AASDHPPT: variants seen among roughly 807,000 people sequenced by gnomAD.
AASDHPPT encodes the protein aminoadipate-semialdehyde dehydrogenase-phosphopantetheinyl transferase.
AASDHPPT carries 23 observed loss-of-function variants against 36.4 expected under a neutral mutation model. The observed-to-expected ratio is 0.63, with a 90% CI of 0.45 to 0.89. The LOEUF (loss-of-function observed/expected upper bound fraction) is 0.89, where lower values mean the gene tolerates loss of function less well. AASDHPPT is among the 40% of genes least tolerant of loss of function. The probability of loss-of-function intolerance (pLI) is 0.00; values close to 1 mark genes in which losing one functional copy is unlikely to be tolerated. For synonymous variants in AASDHPPT, 115 were observed against 128.0 expected, an observed-to-expected ratio of 0.90 and a Z score of 0.68; for missense variants, 377 against 378.2, an observed-to-expected ratio of 1.00 and a Z score of 0.03.
rs1181971682 is a variant in AASDHPPT, at chr11:106,091,496, T to C, written c.693+19T>C. The C allele has an allele frequency of 9.0e-6, 14 of 1,555,082 alleles. No individual in the cohort carries two copies. Among genetic ancestry groups the C allele is most frequent in the South Asian group, 1.2e-5 (1 of 81,662 alleles). Reference sequence around the variant, plus strand: ...ATTTGAGGTAAGAAATTTGTTAGAATTGTTAAAACTAAGAATTTCTATTTT... The same window carrying C: ...ATTTGAGGTAAGAAATTTGTTAGAACTGTTAAAACTAAGAATTTCTATTTT... On this transcript the variant is annotated intron_variant, in intron 4 of 5. Transcript: ENST00000278618.
chr11:106,098,309 T>C lies in AASDHPPT; in HGVS notation c.*1402T>C, dbSNP rs1216370191. Reference sequence around the variant, plus strand: ...TTTTACCTGTTTTCGTTTTAGCAAGTAGTACTTAATTTAAAGTGTGAACTT... The same window carrying C: ...TTTTACCTGTTTTCGTTTTAGCAAGCAGTACTTAATTTAAAGTGTGAACTT... On this transcript the variant is annotated 3_prime_UTR_variant, in exon 6 of 6. Transcript: ENST00000278618. 1.3e-5 allele frequency: 2 copies of C among 152,134 alleles called. No individual in the cohort carries two copies. Among genetic ancestry groups the C allele is most frequent in the Non-Finnish European group, 2.9e-5 (2 of 67,992 alleles). The allele number at this position is 152,134 out of a possible 1,614,324, so 9.4% of individuals were successfully genotyped here. A position where few individuals can be genotyped will look rare whatever the true frequency, so the allele number is the denominator to read the frequency against.
At chr11:106,086,375 T>G (rs914299381) in intron 2 of AASDHPPT, 1 of 152,290 alleles carries the variant, frequency 6.6e-6, no homozygotes, top group South Asian at 2.1e-4. Flanking sequence ...TGTCTCTCCT[T>G]GTAAGGAAAC....
intron 5 of AASDHPPT, among the ~76,000 whole-genome samples, chr11:106,094,967 A>G (rs1422268566): frequency 6.6e-6 from 1 of 152,072 alleles, no homozygotes; most frequent in Non-Finnish European, 1.5e-5. Context: ...CTCTACTAAA[A>G]ATACAAAATT....
rs138744064 is a variant in AASDHPPT, at chr11:106,098,677, A to G, written c.*1770A>G. 6.6e-6 allele frequency: 1 copy of G among 152,212 alleles called. No individual in the cohort carries two copies. The highest frequency in any genetic ancestry group is 1.9e-4 in the East Asian group (1 of 5,184). 9.4% of individuals were successfully genotyped at this position (152,212 alleles called of 1,614,324 possible). A position where few individuals can be genotyped will look rare whatever the true frequency, so the allele number is the denominator to read the frequency against. On this transcript the variant is annotated 3_prime_UTR_variant, in exon 6 of 6. Coordinates refer to ENST00000278618, the MANE Select transcript of AASDHPPT (RefSeq NM_015423.3). The stretch of plus-strand genomic sequence containing the variant: ...GTCTTGTCATTATAATAATAAAAAA[A>G]TGAACATTTATTATGGAATTTCTAT...
Position 106,095,154 on chromosome 11 carries a change from C to T in AASDHPPT, c.765+500C>T, listed in dbSNP as rs1478553347. Among the ~76,000 whole-genome samples the T allele has an allele frequency of 1.3e-5, 2 of 152,086 alleles. 1 individual carries two copies. Among genetic ancestry groups the T allele is most frequent in the Non-Finnish European group, 2.9e-5 (2 of 68,020 alleles). The stretch of plus-strand genomic sequence containing the variant: ...AAAAGAAATGTTACCCGCTTCTTCA[C>T]ATTCGTATACGCTTAAGTATTACAA... On this transcript the variant is annotated intron_variant, in intron 5 of 5. Transcript: ENST00000278618.
intron 2 of AASDHPPT, 86 bp from the exon 3 acceptor site, chr11:106,090,471 G>T: frequency 1.9e-6 from 2 of 1,046,540 alleles, no homozygotes; most frequent in South Asian, 1.8e-5. Flanking sequence ...TCTTTGGGGG[G>T]TGCTGTCTTG....
chr11:106,079,719 A>G, intron 2 of AASDHPPT, 27 bp downstream of exon 2: 1 of 1,584,400 alleles, frequency 6.3e-7, no homozygotes, highest in Non-Finnish European at 8.7e-7. Flanking sequence ...CTAGTATGGC[A>G]GTTAAGTGTC....
intron 1 of AASDHPPT, among the ~76,000 whole-genome samples, chr11:106,078,301 A>AT (rs1336455933): frequency 1.3e-5 from 2 of 152,018 alleles, no homozygotes; most frequent in Non-Finnish European, 2.9e-5. Flanking sequence ...ATATCCCATC[A>AT]TTCTCCAAGG....
At chr11:106,085,102 T>C (rs1861183944) in intron 2 of AASDHPPT, among the ~76,000 whole-genome samples, 1 of 152,044 alleles carries the variant, frequency 6.6e-6, no homozygotes. Context: ...TTAACACTTT[T>C]GGTTTGTTTG....
chr11:106,094,455 C>T (rs190304105), intron 4 of AASDHPPT, 128 bp from the exon 5 acceptor site: 58 of 590,186 alleles, frequency 9.8e-5, no homozygotes, highest in African/African-American at 9.1e-4. Context: ...TATATATGCA[C>T]GCGTGTGAGT....
intron 2 of AASDHPPT, among the ~76,000 whole-genome samples, chr11:106,081,236 A>T (rs1289251588): frequency 6.6e-6 from 1 of 152,154 alleles, no homozygotes; most frequent in Admixed American, 6.6e-5. Context: ...TTTTCCTACT[A>T]GCTACTCTTT....
chr11:106,079,663 G>A lies in AASDHPPT; in HGVS notation c.380G>A (p.Gly127Glu), dbSNP rs1484128059. The change falls in exon 2 of 6, where the codon GGA becomes GAA. Residue 127 changes from glycine (G) to glutamate (E), a missense_variant. By Grantham distance (98) the Gly-to-Glu change is moderately conservative. Transcript: ENST00000278618. ...GCTGCTGAACCTGAGCTGCAAGTTG[G>A]AATTGATATAATGAAGACTAGTTTT... is the stretch of plus-strand genomic sequence containing the variant. ...VLAAEPELQVGIDIMKTSFPG... is the reference protein window; with the variant it reads ...VLAAEPELQVEIDIMKTSFPG... 1 of 1,613,960 alleles carries A rather than the reference G, an allele frequency of 6.2e-7. No homozygotes were observed. The highest frequency in any genetic ancestry group is 1.3e-5 in the African/African-American group (1 of 74,924).
In AASDHPPT at chr11:106,097,452, A is replaced by C. The variant is rs1861327439; in HGVS notation, c.*545A>C. On this transcript the variant is annotated 3_prime_UTR_variant, in exon 6 of 6. Coordinates refer to ENST00000278618, the MANE Select transcript of AASDHPPT (RefSeq NM_015423.3). ...TAGGATGCTTTTGGCCAGAGGTAAC[A>C]GTGTCCAAATATAATTGGCCTAAGT... 6.6e-6 allele frequency: 1 copy of C among 152,602 alleles called. No individual in the cohort carries two copies. Among genetic ancestry groups the C allele is most frequent in the African/African-American group, 2.4e-5 (1 of 41,456 alleles). The allele number at this position is 152,602 out of a possible 1,614,324, so 9.5% of individuals were successfully genotyped here.
Position 106,090,710 on chromosome 11 carries a change from T to C in AASDHPPT, c.531+32T>C. Reference sequence around the variant, plus strand: ...TTCTTTCTAATTTTGAAAGCAAAAGTCTATAATGATTCCATTATCTTCACT... The same window carrying C: ...TTCTTTCTAATTTTGAAAGCAAAAGCCTATAATGATTCCATTATCTTCACT... On this transcript the variant is annotated intron_variant, in intron 3 of 5. Coordinates refer to ENST00000278618, the MANE Select transcript of AASDHPPT (RefSeq NM_015423.3). 3.8e-6 allele frequency: 6 copies of C among 1,567,072 alleles called. No individual in the cohort carries two copies. In the South Asian group the frequency reaches 6.1e-5, roughly 16 times the overall value.
Position 106,079,487 on chromosome 11 carries a change from G to A in AASDHPPT, c.204G>A (p.Arg68=). The A allele has an allele frequency of 6.2e-7, 1 of 1,611,298 alleles. No homozygotes were observed. Among genetic ancestry groups the A allele is most frequent in the Non-Finnish European group, 8.5e-7 (1 of 1,178,350 alleles). The change falls in exon 2 of 6, where the codon AGG becomes AGA. Residue 68 remains arginine, a synonymous_variant. Coordinates refer to ENST00000278618, the MANE Select transcript of AASDHPPT (RefSeq NM_015423.3). ...AACAGGCTGGTCGTCTGATGATAAG[G>A]AAATTAGTTGCAGAGAAATTGAATA... ...KAAMAGRLMI[R]KLVAEKLNIP...
chr11:106,086,989 A>G (rs1277860302), intron 2 of AASDHPPT, among the ~76,000 whole-genome samples: 3 of 152,298 alleles, frequency 2.0e-5, no homozygotes, highest in Admixed American at 6.5e-5. Context: ...CTGAAAGGAT[A>G]ACATTCGCAG....
In AASDHPPT at chr11:106,077,696, G is replaced by T. The variant is rs766885258; in HGVS notation, c.-15G>T. 8.1e-6 allele frequency: 13 copies of T among 1,606,460 alleles called. No individual in the cohort carries two copies. Among genetic ancestry groups the T allele is most frequent in the Non-Finnish European group, 1.0e-5 (12 of 1,174,092 alleles). ...CCATCAGGCCCGAGATAGCGGCGAG[G>T]TCCGCTTTCAGTGTATGGTTTTCCC... is the stretch of plus-strand genomic sequence containing the variant. On this transcript the variant is annotated 5_prime_UTR_variant, in exon 1 of 6. Transcript: ENST00000278618.
At chr11:106,081,871 G>A (rs557064168) in intron 2 of AASDHPPT, among the ~76,000 whole-genome samples, 5 of 152,048 alleles carry the variant, frequency 3.3e-5, no homozygotes, top group African/African-American at 9.7e-5. Context: ...GTGGGGGAAG[G>A]GGGGAGGGAT....
At position 106,090,577 on chromosome 11, in the gene AASDHPPT, T is replaced by A; in HGVS notation, c.430T>A (p.Phe144Ile). The A allele has an allele frequency of 6.3e-7, 1 of 1,588,194 alleles. No homozygotes were observed. The highest frequency in any genetic ancestry group is 8.5e-7 in the Non-Finnish European group (1 of 1,172,104). Reference sequence around the variant, plus strand: ...GGCAGGTCGTGGTTCAATTCCAGAATTCTTTCATATTATGAAAAGAAAGTT... The same window carrying A: ...GGCAGGTCGTGGTTCAATTCCAGAAATCTTTCATATTATGAAAAGAAAGTT... ...SFPGRGSIPEFFHIMKRKFTN... is the reference protein window; with the variant it reads ...SFPGRGSIPEIFHIMKRKFTN... The change falls in exon 3 of 6, where the codon TTC becomes ATC. Residue 144 changes from phenylalanine to isoleucine, a missense_variant. Physicochemically the swap from Phe to Ile is conservative, Grantham distance 21. Transcript: ENST00000278618.
Sources: allele counts gnomAD v4.1 joint callset (sites outside exome capture counted in the v4.1 genomes callset), GRCh38; gene constraint gnomAD v4.1.1; transcripts MANE v1.5; gene names NCBI Gene and HGNC (gene_info 2026-07-23, HGNC 2026-07-21).